Variants in NWD2 observed in about 807,000 individuals in gnomAD.
The protein encoded by NWD2 is NACHT and WD repeat domain-containing protein 2.
In NWD2, 37 loss-of-function variants were observed where a neutral mutation model predicts 132.7. That is an observed-to-expected ratio of 0.28 (90% confidence interval 0.21 to 0.37). NWD2 has a LOEUF of 0.37. Among genes scored for constraint, NWD2 ranks in the 10% least tolerant of loss-of-function variants. NWD2 has a pLI of 1.00. For synonymous variants in NWD2, 705 were observed against 803.0 expected, an observed-to-expected ratio of 0.88 and a Z score of 2.06; for missense variants, 1,592 against 2,122.4, an observed-to-expected ratio of 0.75 and a Z score of 4.91.
At chr4:37,247,491 A>G (rs1392896655) in intron 1 of NWD2, among the ~76,000 whole-genome samples, 2 of 152,272 alleles carry the variant, frequency 1.3e-5, no homozygotes, top group East Asian at 3.8e-4. Flanking sequence ...AGCAATACTC[A>G]GAACCCAGCA....
chr4:37,278,922 A>C (rs915347666), intron 1 of NWD2, among the ~76,000 whole-genome samples: 2 of 152,214 alleles, frequency 1.3e-5, no homozygotes, highest in Non-Finnish European at 1.5e-5. Context: ...TGTAGAAGAC[A>C]GTGCAAAACT....
At chr4:37,425,635 C>T (rs1711986636) in intron 3 of NWD2, among the ~76,000 whole-genome samples, 1 of 152,202 alleles carries the variant, frequency 6.6e-6, no homozygotes, top group Non-Finnish European at 1.5e-5. Flanking sequence ...AACAGTGTAA[C>T]TCATAAAAGT....
At chr4:37,401,131 T>C (rs1720888029) in intron 3 of NWD2, among the ~76,000 whole-genome samples, 1 of 152,196 alleles carries the variant, frequency 6.6e-6, no homozygotes, top group Admixed American at 6.5e-5. Context: ...CAGCTTGTAA[T>C]GTCAATTTTG....
chr4:37,298,708 T>C (rs1379432092), intron 1 of NWD2, among the ~76,000 whole-genome samples: 1 of 152,140 alleles, frequency 6.6e-6, no homozygotes, highest in Non-Finnish European at 1.5e-5. Context: ...ACAAGGATCA[T>C]CAATGAAAGT....
intron 3 of NWD2, among the ~76,000 whole-genome samples, chr4:37,421,829 G>A (rs181262391): frequency 2.0e-5 from 3 of 152,296 alleles, no homozygotes; most frequent in African/African-American, 7.2e-5. Context: ...CTGTAGAGGT[G>A]TAGATTAAAC....
chr4:37,362,287 G>A lies in NWD2; in HGVS notation c.357+5805G>A, dbSNP rs946167602. On this transcript the variant is annotated intron_variant, in intron 3 of 6. Transcript: ENST00000309447. ...ATGCTATTTCTATCAAACTACCAAC[G>A]TCATTTTTCACAGAACTAGAAAAAA... Among the ~76,000 whole-genome samples the A allele has an allele frequency of 5.3e-5, 8 of 152,202 alleles. No individual in the cohort carries two copies. The East Asian group carries it at 1.2e-3, about 22-fold the overall frequency.
At position 37,446,518 on chromosome 4, in the gene NWD2, T is replaced by C; in HGVS notation, c.4530T>C (p.Asp1510=). The change falls in exon 7 of 7, where the codon GAT becomes GAC. Residue 1510 remains aspartate, a synonymous_variant. Coordinates refer to ENST00000309447, the MANE Select transcript of NWD2 (RefSeq NM_001144990.2). The surrounding 1 kb of genome is among the most constrained non-coding windows in gnomAD (Gnocchi z 6.7). ...CTGTGAACATCTGGAGTCTGACAGA[T>C]GAAGTGATCTGTCGGCGCGTGCAAC... ...AETVNIWSLT[D]EVICRRVQLP... 1 of 1,551,738 alleles carries C rather than the reference T, an allele frequency of 6.4e-7. No individual in the cohort carries two copies. The highest frequency in any genetic ancestry group is 2.0e-5 in the Admixed American group (1 of 51,002).
chr4:37,250,159 TACACACACACACA>T (rs1717329054), intron 1 of NWD2, among the ~76,000 whole-genome samples: 1 of 148,998 alleles, frequency 6.7e-6, no homozygotes, highest in East Asian at 2.0e-4. Context: ...TGTGTGTGTA[TACACACACACACA>T]CACACACACA....
chr4:37,428,367 A>G (rs1317842516), intron 3 of NWD2, among the ~76,000 whole-genome samples: 1 of 152,236 alleles, frequency 6.6e-6, no homozygotes, highest in African/African-American at 2.4e-5. Context: ...AAAGTGTCTC[A>G]TGGATACAAT....
chr4:37,348,675 T>TATATATATATACACAC (rs1308407988), intron 2 of NWD2, among the ~76,000 whole-genome samples: 10 of 22,574 alleles, frequency 4.4e-4, no homozygotes, highest in Admixed American at 8.1e-4. Flanking sequence ...TATATATATA[T>TATATATATATACACAC]ACACACACAC....
chr4:37,345,890 G>C (rs1193352378), intron 2 of NWD2, among the ~76,000 whole-genome samples: 1 of 152,002 alleles, frequency 6.6e-6, no homozygotes, highest in Non-Finnish European at 1.5e-5. Flanking sequence ...AGACCAGCAT[G>C]GCCAACATGG....
At chr4:37,274,411 A>C (rs542110638) in intron 1 of NWD2, among the ~76,000 whole-genome samples, 6 of 152,250 alleles carry the variant, frequency 3.9e-5, no homozygotes, top group African/African-American at 1.4e-4. Context: ...TAGACCAATA[A>C]CAGGCTCTGA....
chr4:37,442,680 A>G (rs1712519306), intron 6 of NWD2, among the ~76,000 whole-genome samples: 1 of 152,218 alleles, frequency 6.6e-6, no homozygotes, highest in South Asian at 2.1e-4. Flanking sequence ...ATAAATAATA[A>G]TCAAAATTAT....
chr4:37,379,375 A>G (rs1015852765), intron 3 of NWD2, among the ~76,000 whole-genome samples: 2 of 104,352 alleles, frequency 1.9e-5, no homozygotes, highest in Admixed American at 8.6e-5. Context: ...TCACAGAACA[A>G]ACAGAGACAC....
chr4:37,280,728 G>A (rs1420423235), intron 1 of NWD2, among the ~76,000 whole-genome samples: 2 of 152,072 alleles, frequency 1.3e-5, no homozygotes, highest in Non-Finnish European at 2.9e-5. Flanking sequence ...AATTGCAAGG[G>A]ATAGTACAGC....
chr4:37,445,848 A>G lies in NWD2; in HGVS notation c.3860A>G (p.Asn1287Ser), dbSNP rs1712620989. 6.4e-7 allele frequency: 1 copy of G among 1,552,038 alleles called. No individual in the cohort carries two copies. The highest frequency in any genetic ancestry group is 8.7e-7 in the Non-Finnish European group (1 of 1,147,060). Residue 1287 changes from asparagine to serine, a missense_variant, in exon 7 of 7, where the codon AAT becomes AGT. Asn to Ser is a conservative substitution (Grantham distance 46). Coordinates refer to ENST00000309447, the MANE Select transcript of NWD2 (RefSeq NM_001144990.2). The surrounding 1 kb of genome is among the most constrained non-coding windows in gnomAD (Gnocchi z 4.7). ...AAGTTAGTGAAATCCAGTCACCACA[A>G]TATGCTACTGTCTTTATCAACCAGT... ...IVKLVKSSHH[N>S]MLLSLSTSGV...
At chr4:37,322,561 G>A (rs1024857105) in intron 1 of NWD2, among the ~76,000 whole-genome samples, 5 of 152,146 alleles carry the variant, frequency 3.3e-5, no homozygotes, top group African/African-American at 4.8e-5. Context: ...AACACTCATC[G>A]TAAGGAGTGT....
chr4:37,261,504 G>A (rs558082812), intron 1 of NWD2, among the ~76,000 whole-genome samples: 1 of 152,250 alleles, frequency 6.6e-6, no homozygotes, highest in South Asian at 2.1e-4. Flanking sequence ...TTACTTCACA[G>A]ACACCCATTT....
At position 37,445,979 on chromosome 4, in the gene NWD2, A is replaced by G. The variant is rs758352844; in HGVS notation, c.3991A>G (p.Ile1331Val). ...GTTGTTGCCTGCTAGAGGGGAAATC[A>G]TTTACTCCCTGGATGGATCCGATTG... ...SLLLPARGEI[I>V]YSLDGSDCVH... The change falls in exon 7 of 7, where the codon ATT becomes GTT. Residue 1331 changes from isoleucine (I) to valine (V), a missense_variant. Transcript: ENST00000309447. This position sits in a 1 kb window ranked among gnomAD's most constrained non-coding sequence, Gnocchi z 4.7. 2.1e-4 allele frequency: 327 copies of G among 1,551,478 alleles called. No homozygotes were observed. The highest frequency in any genetic ancestry group is 2.6e-4 in the Non-Finnish European group (302 of 1,146,956).
Sources: gnomAD v4.1 joint callset for allele counts (sites outside exome capture counted in the v4.1 genomes callset) on GRCh38, gnomAD v4.1.1 for gene constraint, Gnocchi (gnomAD v3.1) non-coding constraint, MANE v1.5 for transcripts, NCBI Gene and HGNC (gene_info 2026-07-23, HGNC 2026-07-21) for gene names.